The following OPN5 variants were observed in gnomAD, a reference collection of about 807,000 sequenced individuals.
OPN5 encodes opsin-5.
Under a neutral mutation model 41.7 loss-of-function variants are expected in OPN5, and 18 were observed. The observed-to-expected ratio is 0.43, with a 90% CI of 0.30 to 0.64. The LOEUF (loss-of-function observed/expected upper bound fraction) is 0.64, where lower values mean the gene tolerates loss of function less well. Among genes scored for constraint, OPN5 ranks in the 30% least tolerant of loss-of-function variants. The pLI, the probability that OPN5 is intolerant of heterozygous loss-of-function variation, is 0.13. For missense variants in OPN5, 318 were observed against 434.5 expected (o/e 0.73, Z 2.38); for synonymous variants, 178 against 164.3 (o/e 1.08, Z -0.64).
At chr6:47,787,715 A>G (rs1359423896) in intron 2 of OPN5, among the ~76,000 whole-genome samples, 6 of 152,230 alleles carry the variant, frequency 3.9e-5, no homozygotes, top group Non-Finnish European at 8.8e-5. Context: ...CAGCCTGGGC[A>G]ATGTAGTGGG....
intron 6 of OPN5, among the ~76,000 whole-genome samples, chr6:47,822,739 A>G (rs1338514646): frequency 6.6e-6 from 1 of 152,244 alleles, no homozygotes; most frequent in Non-Finnish European, 1.5e-5. Context: ...CAGATTGGCC[A>G]TGAGAGCTAA....
intron 6 of OPN5, among the ~76,000 whole-genome samples, chr6:47,815,660 A>G (rs1476432969): frequency 6.6e-6 from 1 of 152,134 alleles, no homozygotes; most frequent in Non-Finnish European, 1.5e-5. Context: ...AAAATGGGGC[A>G]AAAGGCAAGA....
At chr6:47,811,623 T>C in intron 5 of OPN5, 51 bp from the exon 6 acceptor site, 1 of 1,151,846 alleles carries the variant, frequency 8.7e-7, no homozygotes, top group Non-Finnish European at 1.3e-6. Flanking sequence ...TATGTATTTA[T>C]GTGTGTGTAT....
chr6:47,795,088 C>A, intron 3 of OPN5, 141 bp from the exon 4 acceptor site: 2 of 659,916 alleles, frequency 3.0e-6, no homozygotes. Context: ...TTACTCCACT[C>A]TCCCTCAGGC....
exon 5 of OPN5, chr6:47,808,384 G>T: frequency 6.2e-7 from 1 of 1,614,010 alleles, no homozygotes; most frequent in Non-Finnish European, 8.5e-7. Flanking sequence ...AGAAGTCTCT[G>T]GAAGGCTTCA....
At chr6:47,785,104 A>T (rs1346880399) in intron 1 of OPN5, among the ~76,000 whole-genome samples, 2 of 152,236 alleles carry the variant, frequency 1.3e-5, no homozygotes, top group Non-Finnish European at 2.9e-5. Flanking sequence ...TTTTCAAAAG[A>T]GATGTAGACA....
chr6:47,795,353 G>C lies in OPN5; in HGVS notation c.546G>C (p.Ser182=), dbSNP rs367861472. The stretch of plus-strand genomic sequence containing the variant: ...ACGTACCTGAGCCCTTCGGAACCTC[G>C]TGCACCCTGGACTGGTGGCTGGCCC... Residue 182 remains serine, a synonymous_variant, in exon 4 of 7, where the codon TCG becomes TCC. Coordinates refer to ENST00000371211, the Ensembl canonical transcript of OPN5. The C allele has an allele frequency of 1.9e-6, 3 of 1,613,988 alleles. No homozygotes were observed. In the South Asian group the frequency reaches 3.3e-5, roughly 18 times the overall value.
rs577399143 is a variant in OPN5, at chr6:47,805,854, T to G, written c.757-2300T>G. 5.3e-4 allele frequency among the ~76,000 whole-genome samples: 80 copies of G among 152,326 alleles called. 1 individual carries two copies. In the South Asian group the frequency reaches 0.016, roughly 30 times the overall value. On this transcript the variant is annotated intron_variant, in intron 4 of 6. Transcript: ENST00000371211. ...GGAATTGTTATTTTGCTTCTTAAAG[T>G]TGGGGACGGGAGTAAAAGGAAGTGA...
At chr6:47,788,303 T>C (rs372381674) in intron 2 of OPN5, among the ~76,000 whole-genome samples, 33 of 152,356 alleles carry the variant, frequency 2.2e-4, no homozygotes, top group African/African-American at 7.9e-4. Context: ...CTACCTGGTA[T>C]TGAGCGTAAC....
intron 6 of OPN5, among the ~76,000 whole-genome samples, chr6:47,818,725 A>T (rs142854523): frequency 0.028 from 4,322 of 152,290 alleles, 126 homozygotes; most frequent in Non-Finnish European, 0.043. Context: ...CGGTATTGTT[A>T]GATGAGATAC....
chr6:47,815,977 C>A (rs1324353503), intron 6 of OPN5, among the ~76,000 whole-genome samples: 1 of 152,176 alleles, frequency 6.6e-6, no homozygotes, highest in Non-Finnish European at 1.5e-5. Context: ...TATACCCTCA[C>A]ATGCACCACG....
At chr6:47,812,438 G>T (rs1323774847) in intron 6 of OPN5, among the ~76,000 whole-genome samples, 2 of 152,152 alleles carry the variant, frequency 1.3e-5, no homozygotes, top group Non-Finnish European at 2.9e-5. Flanking sequence ...ATTTAGTGAA[G>T]ATAGCTATTC....
At chr6:47,809,406 T>C (rs1774105504) in intron 5 of OPN5, among the ~76,000 whole-genome samples, 1 of 152,206 alleles carries the variant, frequency 6.6e-6, no homozygotes, top group Admixed American at 6.5e-5. Flanking sequence ...ACAAATATTT[T>C]GGACTTTAGG....
chr6:47,815,938 T>A (rs1446191237), intron 6 of OPN5, among the ~76,000 whole-genome samples: 1 of 152,156 alleles, frequency 6.6e-6, no homozygotes, highest in Non-Finnish European at 1.5e-5. Context: ...TCTCAATTAC[T>A]TTGAACCCTC....
At chr6:47,806,619 A>G (rs1241290713) in intron 4 of OPN5, among the ~76,000 whole-genome samples, 1 of 152,150 alleles carries the variant, frequency 6.6e-6, no homozygotes, top group East Asian at 1.9e-4. Context: ...CAGCGCTCTC[A>G]TCATATTTCC....
chr6:47,808,272 C>T, exon 5 of OPN5: 1 of 1,614,030 alleles, frequency 6.2e-7, no homozygotes, highest in Non-Finnish European at 8.5e-7. Flanking sequence ...GTGGTGCCAA[C>T]CCTACTTGCA....
chr6:47,821,884 G>A (rs1010127367), intron 6 of OPN5, among the ~76,000 whole-genome samples: 1 of 152,162 alleles, frequency 6.6e-6, no homozygotes, highest in East Asian at 1.9e-4. Flanking sequence ...GGAGGCCAAG[G>A]TGGGCAGATC....
intron 2 of OPN5, 42 bp downstream of exon 2, chr6:47,786,676 C>T: frequency 2.5e-6 from 4 of 1,586,026 alleles, no homozygotes; most frequent in Non-Finnish European, 3.5e-6. Flanking sequence ...GTTTAAACTA[C>T]TCCCCATTCT....
chr6:47,826,128 C>G (rs529551429), downstream of OPN5: 3 of 152,006 alleles, frequency 2.0e-5, no homozygotes, highest in African/African-American at 7.2e-5. Context: ...AGAAAGAATC[C>G]TACGATGAAC....
Sources: gnomAD v4.1 joint callset for allele counts (sites outside exome capture counted in the v4.1 genomes callset) on GRCh38, gnomAD v4.1.1 for gene constraint, MANE v1.5 for transcripts, NCBI Gene and HGNC (gene_info 2026-07-23, HGNC 2026-07-21) for gene names.